SLC8A3: variants seen among roughly 807,000 people sequenced by gnomAD.
SLC8A3 encodes solute carrier family 8 member A3, also known as sodium/calcium exchanger 3.
In SLC8A3, 37 loss-of-function variants were observed where a neutral mutation model predicts 65.4. The ratio of observed to expected loss-of-function variants is 0.57; its 90% CI spans 0.44 to 0.74. SLC8A3 has a LOEUF of 0.74. Among genes scored for constraint, SLC8A3 ranks in the 30% least tolerant of loss-of-function variants. SLC8A3 has a pLI of 0.00. For synonymous variants in SLC8A3, 461 were observed against 444.5 expected (o/e 1.04, Z -0.47); for missense variants, 1,112 against 1,172.1 (o/e 0.95, Z 0.75).
At position 70,188,616 on chromosome 14, in the gene SLC8A3, G is replaced by A. The variant is rs1217919051; in HGVS notation, c.-300C>T. On this transcript the variant is annotated 5_prime_UTR_variant, in exon 1 of 7. Coordinates refer to ENST00000356921, the MANE Select transcript of SLC8A3 (RefSeq NM_182932.3). ...AGCGCATCTGGAGCGCGGGGTCTGG[G>A]AGGGAGGGTGTCTGGGGCCAGGGCG... 1.3e-5 allele frequency: 2 copies of A among 152,242 alleles called. No homozygotes were observed. The highest frequency in any genetic ancestry group is 4.8e-5 in the African/African-American group (2 of 41,462). 9.4% of individuals were successfully genotyped at this position (152,242 alleles called of 1,614,324 possible).
At chr14:70,183,465 C>T (rs73278822) in intron 1 of SLC8A3, among the ~76,000 whole-genome samples, 81 of 152,342 alleles carry the variant, frequency 5.3e-4, no homozygotes, top group African/African-American at 1.9e-3. Context: ...TCAGCCTTCA[C>T]GGATCTCTCC....
intron 2 of SLC8A3, among the ~76,000 whole-genome samples, chr14:70,128,111 A>G (rs1566797774): frequency 6.6e-6 from 1 of 152,202 alleles, no homozygotes; most frequent in Non-Finnish European, 1.5e-5. Flanking sequence ...GGGCAATCCT[A>G]TACATCCTGT....
intron 2 of SLC8A3, among the ~76,000 whole-genome samples, chr14:70,132,351 G>GTATTT (rs1164793520): frequency 4.6e-5 from 7 of 152,244 alleles, no homozygotes; most frequent in Admixed American, 3.9e-4. Context: ...TAGCATTTGA[G>GTATTT]TATTTAGTGA....
At chr14:70,068,867 C>T (rs1889724453) in intron 2 of SLC8A3, among the ~76,000 whole-genome samples, 1 of 152,180 alleles carries the variant, frequency 6.6e-6, no homozygotes, top group Non-Finnish European at 1.5e-5. Flanking sequence ...GCTAAGACTA[C>T]AGGCACCTGC....
chr14:70,045,680 G>C lies in SLC8A3; in HGVS notation c.*267C>G, dbSNP rs898434117. The C allele has an allele frequency of 2.8e-6, 1 of 352,404 alleles. No individual in the cohort carries two copies. Among genetic ancestry groups the C allele is most frequent in the African/African-American group, 2.0e-5 (1 of 49,326 alleles). The allele number at this position is 352,404 out of a possible 1,614,324, so 21.8% of individuals were successfully genotyped here. The stretch of plus-strand genomic sequence containing the variant: ...TGCTTTGGGTCAGGGATATGAGGGG[G>C]AGATGGGGTGGAGGTGGATTTGTTG... On this transcript the variant is annotated 3_prime_UTR_variant, in exon 7 of 7. Transcript: ENST00000356921.
At chr14:70,158,243 A>G (rs375566536) in intron 2 of SLC8A3, among the ~76,000 whole-genome samples, 1 of 152,248 alleles carries the variant, frequency 6.6e-6, no homozygotes, top group Non-Finnish European at 1.5e-5. Context: ...GTGAACAACA[A>G]TGAAGATCCG....
intron 2 of SLC8A3, among the ~76,000 whole-genome samples, chr14:70,130,480 C>A (rs988312520): frequency 3.3e-5 from 5 of 152,178 alleles, no homozygotes; most frequent in African/African-American, 1.2e-4. Flanking sequence ...AGGATCACCA[C>A]CCACATTGGG....
chr14:70,119,272 T>A (rs1369060968), intron 2 of SLC8A3, among the ~76,000 whole-genome samples: 1 of 152,130 alleles, frequency 6.6e-6, no homozygotes, highest in Non-Finnish European at 1.5e-5. Context: ...GAGGCCTTGG[T>A]GGGAAAACAC....
At chr14:70,085,346 T>A (rs1433110138) in intron 2 of SLC8A3, among the ~76,000 whole-genome samples, 2 of 152,206 alleles carry the variant, frequency 1.3e-5, no homozygotes, top group South Asian at 2.1e-4. Context: ...TACAATCAGA[T>A]TATGATTTCT....
chr14:70,174,651 GTTTTTTTTTTGTTTTTTT>G lies in SLC8A3; in HGVS notation c.-62-6185_-62-6168del, dbSNP rs1183425652. On this transcript the variant is annotated intron_variant, in intron 1 of 6. Coordinates refer to ENST00000356921, the MANE Select transcript of SLC8A3 (RefSeq NM_182932.3). The stretch of plus-strand genomic sequence containing the variant: ...CCAAAAAGCCCCTTGGACCAAATCC[GTTTTTTTTTTGTTTTTTT>G]TTTTTTTTTTTTTTTTTTTTTGCCT... 1.8e-3 allele frequency among the ~76,000 whole-genome samples: 162 copies of G among 90,358 alleles called. 4 individuals are homozygous for G. Among genetic ancestry groups the G allele is most frequent in the Middle Eastern group, 6.8e-3 (1 of 146 alleles). The allele number at this position is 90,358 out of a possible 152,430, so 59.3% of individuals were successfully genotyped here.
intron 2 of SLC8A3, among the ~76,000 whole-genome samples, chr14:70,137,384 C>G (rs1285860777): frequency 2.0e-4 from 31 of 152,118 alleles, no homozygotes; most frequent in Admixed American, 2.0e-3. Context: ...CCTCGTGATC[C>G]ACCCCACATC....
At chr14:70,154,048 TG>T (rs1468423988) in intron 2 of SLC8A3, among the ~76,000 whole-genome samples, 1 of 152,248 alleles carries the variant, frequency 6.6e-6, no homozygotes, top group African/African-American at 2.4e-5. Flanking sequence ...TCCAGATTTC[TG>T]AGCTGGGCAT....
In SLC8A3 at chr14:70,082,146, C is replaced by T. The variant is rs148957901; in HGVS notation, c.1785-21207G>A. 2.5e-3 allele frequency among the ~76,000 whole-genome samples: 374 copies of T among 152,298 alleles called. 3 individuals carry two copies. The highest frequency in any genetic ancestry group is 8.8e-3 in the African/African-American group (365 of 41,558). On this transcript the variant is annotated intron_variant, in intron 2 of 6. Coordinates refer to ENST00000356921, the MANE Select transcript of SLC8A3 (RefSeq NM_182932.3). The stretch of plus-strand genomic sequence containing the variant: ...AGGAAGTGACAGAACTAGGATTTGA[C>T]CCCAGTGGTCTGATTCCAAGACCCC...
chr14:70,079,478 G>A (rs1339987723), intron 2 of SLC8A3, among the ~76,000 whole-genome samples: 1 of 152,106 alleles, frequency 6.6e-6, no homozygotes, highest in East Asian at 1.9e-4. Flanking sequence ...ACTCCAGCCT[G>A]GGCGACAGAG....
In SLC8A3 at chr14:70,048,245, G is replaced by A. The variant is rs111325973; in HGVS notation, c.2389+522C>T. 7.4e-3 allele frequency: 1,532 copies of A among 207,812 alleles called. 31 individuals are homozygous for A. The highest frequency in any genetic ancestry group is 0.033 in the African/African-American group (1,410 of 43,216). The allele number at this position is 207,812 out of a possible 1,614,324, so 12.9% of individuals were successfully genotyped here. Reference sequence around the variant, plus strand: ...TGTACTCACAGTGTCCTTCCAAGTAGAGGAGGCCAAGAATGTATGTGGGCA... The same window carrying A: ...TGTACTCACAGTGTCCTTCCAAGTAAAGGAGGCCAAGAATGTATGTGGGCA... On this transcript the variant is annotated intron_variant, in intron 6 of 6. Transcript: ENST00000356921.
intron 2 of SLC8A3, among the ~76,000 whole-genome samples, chr14:70,135,497 C>A (rs1022583683): frequency 2.0e-5 from 3 of 152,046 alleles, no homozygotes; most frequent in Admixed American, 2.0e-4. Flanking sequence ...CCTAAATATG[C>A]ATCAGTGGAT....
At chr14:70,084,673 A>G (rs1192285267) in intron 2 of SLC8A3, among the ~76,000 whole-genome samples, 3 of 152,204 alleles carry the variant, frequency 2.0e-5, no homozygotes, top group Non-Finnish European at 4.4e-5. Flanking sequence ...GGAAAATTGA[A>G]TGTTTTCTGG....
At chr14:70,111,647 A>G (rs1460322650) in intron 2 of SLC8A3, among the ~76,000 whole-genome samples, 2 of 152,258 alleles carry the variant, frequency 1.3e-5, no homozygotes, top group Non-Finnish European at 2.9e-5. Flanking sequence ...CTGGCAACTT[A>G]CTTTCTGTGA....
At chr14:70,123,922 G>C (rs976942544) in intron 2 of SLC8A3, among the ~76,000 whole-genome samples, 10 of 152,098 alleles carry the variant, frequency 6.6e-5, no homozygotes, top group African/African-American at 2.2e-4. Context: ...TCCATTTCCA[G>C]GTCTGGCCTC....
Sources: allele counts gnomAD v4.1 joint callset (sites outside exome capture counted in the v4.1 genomes callset), GRCh38; gene constraint gnomAD v4.1.1; transcripts MANE v1.5; gene names NCBI Gene and HGNC (gene_info 2026-07-23, HGNC 2026-07-21).